The following ELMOD3 variants were observed in gnomAD, a reference collection of about 807,000 sequenced individuals.
The protein encoded by ELMOD3 is ELMO domain containing 3.
Under a neutral mutation model 47.4 loss-of-function variants are expected in ELMOD3, and 36 were observed. That is an observed-to-expected ratio of 0.76 (90% CI 0.58 to 1.00). The LOEUF (loss-of-function observed/expected upper bound fraction) is 1.00, where lower values mean the gene tolerates loss of function less well. Ranked by LOEUF, ELMOD3 falls within the 50% of genes least tolerant of loss-of-function variation. The pLI is 0.00. For synonymous variants in ELMOD3, 149 were observed against 183.5 expected, an observed-to-expected ratio of 0.81 and a Z score of 1.52; for missense variants, 404 against 463.8, an observed-to-expected ratio of 0.87 and a Z score of 1.18.
chr2:85,386,470 T>C (rs1470722957), intron 11 of ELMOD3, among the ~76,000 whole-genome samples: 2 of 145,950 alleles, frequency 1.4e-5, no homozygotes, highest in Admixed American at 1.4e-4. Flanking sequence ...CTGCAACCTC[T>C]GCCTCCTGAG....
At chr2:85,361,382 G>C (rs946769537) in intron 4 of ELMOD3, among the ~76,000 whole-genome samples, 1 of 152,180 alleles carries the variant, frequency 6.6e-6, no homozygotes, top group African/African-American at 2.4e-5. Flanking sequence ...CCTAGGACCA[G>C]ATTAAACAGA....
chr2:85,365,980 CAG>C (rs149028031), intron 6 of ELMOD3, among the ~76,000 whole-genome samples: 4,240 of 150,648 alleles, frequency 0.028, 173 homozygotes, highest in African/African-American at 0.097. Context: ...TTTTTTGAAA[CAG>C]AGTCTCACTC....
chr2:85,364,826 T>TATATATATATATATATATA (rs1553417118), intron 6 of ELMOD3, among the ~76,000 whole-genome samples: 1 of 54,790 alleles, frequency 1.8e-5, no homozygotes, highest in Non-Finnish European at 3.3e-5. Flanking sequence ...TATATATATA[T>TATATATATATATATATATA]TTTTTTTTTT....
chr2:85,389,990 G>A, intron 12 of ELMOD3, 148 bp from the exon 13 acceptor site: 1 of 1,081,226 alleles, frequency 9.2e-7, no homozygotes. Flanking sequence ...TCCCACCCCT[G>A]GCCTTAGATG....
intron 11 of ELMOD3, among the ~76,000 whole-genome samples, chr2:85,383,716 G>A (rs1281066885): frequency 6.6e-6 from 1 of 152,196 alleles, no homozygotes; most frequent in Non-Finnish European, 1.5e-5. Flanking sequence ...GAGCCATAAA[G>A]TTAGCTCATG....
chr2:85,368,396 A>C (rs1684550433), intron 6 of ELMOD3: 1 of 394,248 alleles, frequency 2.5e-6, no homozygotes, highest in Admixed American at 3.7e-5. Context: ...ATGTGGCCCC[A>C]CTAAGTTCAG....
At chr2:85,366,850 T>C (rs2104551156) in intron 6 of ELMOD3, among the ~76,000 whole-genome samples, 1 of 152,368 alleles carries the variant, frequency 6.6e-6, no homozygotes, top group African/African-American at 2.4e-5. Flanking sequence ...AGAGAGGAGC[T>C]GTCCCAACCT....
At chr2:85,378,944 G>C (rs1685357701) in intron 11 of ELMOD3, among the ~76,000 whole-genome samples, 1 of 152,162 alleles carries the variant, frequency 6.6e-6, no homozygotes, top group South Asian at 2.1e-4. Context: ...GAAAATACGG[G>C]GAGGAAGTGA....
At chr2:85,380,163 A>G (rs1188336187) in intron 11 of ELMOD3, among the ~76,000 whole-genome samples, 1 of 152,238 alleles carries the variant, frequency 6.6e-6, no homozygotes, top group Non-Finnish European at 1.5e-5. Context: ...AAATAACTGT[A>G]TTGCCATAAA....
At chr2:85,371,632 C>T (rs967807235) in intron 10 of ELMOD3, 70 bp downstream of exon 10, 7 of 1,594,166 alleles carry the variant, frequency 4.4e-6, no homozygotes, top group East Asian at 2.2e-5. Flanking sequence ...GAGGCCAGGT[C>T]GTTCTCTTCC....
intron 11 of ELMOD3, among the ~76,000 whole-genome samples, chr2:85,377,976 A>G (rs1332277840): frequency 6.6e-6 from 1 of 152,248 alleles, no homozygotes; most frequent in Non-Finnish European, 1.5e-5. Flanking sequence ...AAGCAAAGGA[A>G]GAGGAGAACA....
Position 85,371,791 on chromosome 2 carries a change from T to C in ELMOD3, c.607+229T>C. 6.6e-6 allele frequency: 3 copies of C among 457,704 alleles called. No individual in the cohort carries two copies. In the South Asian group the frequency reaches 6.9e-5, roughly 11 times the overall value. 28.4% of individuals were successfully genotyped at this position (457,704 alleles called of 1,614,324 possible). A position where few individuals can be genotyped will look rare whatever the true frequency, so the allele number is the denominator to read the frequency against. On this transcript the variant is annotated intron_variant, in intron 10 of 13. Transcript: ENST00000409013. ...GCTCACGCCTGTAATCCCAGCACTT[T>C]GGGAGGCTGAAGAGGGCAGATTACT...
At position 85,384,010 on chromosome 2, in the gene ELMOD3, G is replaced by A. The variant is rs534739876; in HGVS notation, c.739-5741G>A. ...GATGAGCATTGGTTCCTCCGGAAAG[G>A]TGGGAGGACTGGAAGCAAAAGCGGG... On this transcript the variant is annotated intron_variant, in intron 11 of 13. Coordinates refer to ENST00000409013, the MANE Select transcript of ELMOD3 (RefSeq NM_001135022.2). Among the ~76,000 whole-genome samples, 153 of 152,316 alleles carry A rather than the reference G, an allele frequency of 1.0e-3. 1 individual carries two copies. Among genetic ancestry groups the A allele is most frequent in the African/African-American group, 3.6e-3 (149 of 41,572 alleles).
chr2:85,389,316 A>G (rs1019197343), intron 11 of ELMOD3, among the ~76,000 whole-genome samples: 1 of 152,208 alleles, frequency 6.6e-6, no homozygotes, highest in African/African-American at 2.4e-5. Flanking sequence ...AGAAGCCCAA[A>G]GAAGGGGAGA....
intron 11 of ELMOD3, among the ~76,000 whole-genome samples, chr2:85,384,381 G>A (rs1229748056): frequency 1.3e-5 from 2 of 152,182 alleles, no homozygotes; most frequent in African/African-American, 4.8e-5. Context: ...GAAATGCCTT[G>A]CACAGGGGTA....
chr2:85,388,152 A>G (rs1686067405), intron 11 of ELMOD3, among the ~76,000 whole-genome samples: 1 of 148,406 alleles, frequency 6.7e-6, no homozygotes, highest in Non-Finnish European at 1.5e-5. Flanking sequence ...TGTTTTTTTG[A>G]AAAAAAAAAA....
rs767720093 is a variant in ELMOD3, at chr2:85,389,775, G to T, written c.763G>T (p.Val255Leu). The T allele has an allele frequency of 7.4e-6, 12 of 1,614,042 alleles. No individual in the cohort carries two copies. The South Asian group carries it at 1.1e-4, about 15-fold the overall frequency. The change falls in exon 12 of 14, where the codon GTG (valine) becomes TTG (leucine). Residue 255 changes from valine (V) to leucine (L), a missense_variant. By Grantham distance (32) the Val-to-Leu change is conservative. Transcript: ENST00000409013. ...GCAATTCCCTTTCTGTTTGATGTCC[G>T]TGAACATCACCCACATTGCCATCCA... ...IQQFPFCLMS[V>L]NITHIAIQAL...
chr2:85,372,343 AAAAT>A (rs1411587097), intron 10 of ELMOD3: 1 of 152,102 alleles, frequency 6.6e-6, no homozygotes, highest in African/African-American at 2.4e-5. Context: ...GTCTCAGAAA[AAAAT>A]AGCCAGAGTG....
At chr2:85,375,279 CCT>C (rs1038706588) in intron 10 of ELMOD3, among the ~76,000 whole-genome samples, 4 of 152,164 alleles carry the variant, frequency 2.6e-5, no homozygotes, top group Non-Finnish European at 5.9e-5. Context: ...CACACTTTGT[CCT>C]CTCTTGTGGG....
Sources: gnomAD v4.1 joint callset for allele counts (sites outside exome capture counted in the v4.1 genomes callset) on GRCh38, gnomAD v4.1.1 for gene constraint, MANE v1.5 for transcripts, NCBI Gene and HGNC (gene_info 2026-07-23, HGNC 2026-07-21) for gene names.